LRRC7: variants seen among roughly 807,000 people sequenced by gnomAD.
The protein encoded by LRRC7 is leucine rich repeat containing 7, also known as leucine-rich repeat-containing protein 7.
LRRC7 carries 23 observed loss-of-function variants against 175.7 expected under a neutral mutation model. That is an observed-to-expected ratio of 0.13 (90% CI 0.09 to 0.19). The LOEUF is 0.19. LRRC7 is among the 10% of genes least tolerant of loss of function. The pLI is 1.00. For missense variants in LRRC7, 1,354 were observed against 1,904.7 expected, an observed-to-expected ratio of 0.71 and a Z score of 5.38; for synonymous variants, 685 against 680.9, an observed-to-expected ratio of 1.01 and a Z score of -0.09.
chr1:70,045,571 C>T (rs1202814196), intron 22 of LRRC7, among the ~76,000 whole-genome samples: 1 of 152,142 alleles, frequency 6.6e-6, no homozygotes, highest in African/African-American at 2.4e-5. Context: ...AACTTAACTG[C>T]ATTAAGGAAT....
intron 2 of LRRC7, among the ~76,000 whole-genome samples, chr1:69,687,539 G>GAAAAA (rs1390011818): frequency 1.1e-5 from 1 of 90,392 alleles, no homozygotes; most frequent in African/African-American, 4.1e-5. Context: ...AAAAAAAAAA[G>GAAAAA]AAAAAAGAAA....
At chr1:69,729,658 C>T (rs1435407476) in intron 2 of LRRC7, among the ~76,000 whole-genome samples, 1 of 152,180 alleles carries the variant, frequency 6.6e-6, no homozygotes, top group African/African-American at 2.4e-5. Context: ...AGCCCCCCTC[C>T]AGGCTGCTTT....
intron 1 of LRRC7, among the ~76,000 whole-genome samples, chr1:69,589,465 C>T (rs1646544295): frequency 6.6e-6 from 1 of 152,078 alleles, no homozygotes; most frequent in Non-Finnish European, 1.5e-5. Flanking sequence ...AGAATCCAAT[C>T]GGGAGTGAGT....
At chr1:70,109,803 C>T (rs905868761) in intron 26 of LRRC7, among the ~76,000 whole-genome samples, 15 of 152,176 alleles carry the variant, frequency 9.9e-5, no homozygotes, top group Non-Finnish European at 4.4e-5. Flanking sequence ...AAATGCTGCT[C>T]ATTAGCAAAG....
At chr1:70,017,586 C>G (rs1202181634) in intron 14 of LRRC7, among the ~76,000 whole-genome samples, 1 of 152,080 alleles carries the variant, frequency 6.6e-6, no homozygotes, top group African/African-American at 2.4e-5. Context: ...TTTAGCTCAT[C>G]ATTATTTTCT....
At chr1:69,672,257 A>T (rs562243584) in intron 1 of LRRC7, among the ~76,000 whole-genome samples, 13 of 117,000 alleles carry the variant, frequency 1.1e-4, no homozygotes, top group South Asian at 3.1e-4. Flanking sequence ...CATTTTTTTA[A>T]AAAAATTGTA....
At chr1:69,668,405 C>G (rs1658581233) in intron 1 of LRRC7, among the ~76,000 whole-genome samples, 1 of 152,078 alleles carries the variant, frequency 6.6e-6, no homozygotes, top group African/African-American at 2.4e-5. Flanking sequence ...GTTTGGTTTT[C>G]TGTTCCTGTG....
At chr1:70,090,954 G>A (rs561910609) in intron 25 of LRRC7, among the ~76,000 whole-genome samples, 1 of 152,140 alleles carries the variant, frequency 6.6e-6, no homozygotes, top group South Asian at 2.1e-4. Flanking sequence ...CCGTTTTGGG[G>A]AAGGTCAGGA....
intron 5 of LRRC7, among the ~76,000 whole-genome samples, chr1:69,831,375 C>A (rs2101296459): frequency 6.6e-6 from 1 of 152,068 alleles, no homozygotes; most frequent in African/African-American, 2.4e-5. Context: ...GACATGAGCT[C>A]TAATGCATTA....
At chr1:69,959,930 A>T (rs923394673) in intron 8 of LRRC7, among the ~76,000 whole-genome samples, 26 of 152,152 alleles carry the variant, frequency 1.7e-4, no homozygotes, top group African/African-American at 5.1e-4. Flanking sequence ...TTCGTCAAGG[A>T]TATTGGCCTG....
At chr1:69,598,265 G>A (rs1773312) in intron 1 of LRRC7, among the ~76,000 whole-genome samples, 57,037 of 151,800 alleles carry the variant, frequency 0.38, 12,222 homozygotes, top group African/African-American at 0.57. Flanking sequence ...CTATGGTAAA[G>A]TACCAGAAAG....
At chr1:69,997,034 T>C (rs1207918924) in intron 11 of LRRC7, among the ~76,000 whole-genome samples, 3 of 152,242 alleles carry the variant, frequency 2.0e-5, no homozygotes, top group Admixed American at 1.3e-4. Flanking sequence ...CCCATGAGCA[T>C]AGAATGTTCT....
At chr1:69,852,746 T>C (rs1344933428) in intron 7 of LRRC7, among the ~76,000 whole-genome samples, 1 of 152,194 alleles carries the variant, frequency 6.6e-6, no homozygotes, top group Admixed American at 6.6e-5. Flanking sequence ...CAACTTTGGG[T>C]ATATTCTTAG....
At chr1:70,086,932 G>A (rs925258337) in intron 24 of LRRC7, among the ~76,000 whole-genome samples, 1 of 152,044 alleles carries the variant, frequency 6.6e-6, no homozygotes, top group Non-Finnish European at 1.5e-5. Flanking sequence ...GGCCTTAGCA[G>A]GCAGGTGGAA....
intron 8 of LRRC7, among the ~76,000 whole-genome samples, chr1:69,941,042 G>A (rs1200681724): frequency 6.6e-6 from 1 of 152,050 alleles, no homozygotes; most frequent in Admixed American, 6.6e-5. Context: ...AAGGAGGTCA[G>A]GGAGTGAGCC....
intron 1 of LRRC7, among the ~76,000 whole-genome samples, chr1:69,635,796 T>C (rs1255880343): frequency 6.6e-6 from 1 of 151,918 alleles, no homozygotes; most frequent in African/African-American, 2.4e-5. Flanking sequence ...ATTAAAGATA[T>C]ATCAAAATAA....
intron 1 of LRRC7, among the ~76,000 whole-genome samples, chr1:69,577,855 C>T (rs1452887373): frequency 2.0e-5 from 3 of 152,044 alleles, no homozygotes; most frequent in Non-Finnish European, 4.4e-5. Flanking sequence ...ATTGCCTTGG[C>T]GATGCGGGCT....
intron 1 of LRRC7, among the ~76,000 whole-genome samples, chr1:69,643,206 T>C (rs536593110): frequency 1.1e-4 from 16 of 152,260 alleles, no homozygotes; most frequent in African/African-American, 3.6e-4. Context: ...AGATGATACC[T>C]GCTCACATTG....
chr1:70,107,023 A>G (rs1665194091), intron 25 of LRRC7, among the ~76,000 whole-genome samples: 1 of 152,234 alleles, frequency 6.6e-6, no homozygotes, highest in Non-Finnish European at 1.5e-5. Context: ...TTAAAGTCAG[A>G]AACTATATTC....
Sources: allele counts gnomAD v4.1 joint callset (sites outside exome capture counted in the v4.1 genomes callset), GRCh38; gene constraint gnomAD v4.1.1; transcripts MANE v1.5; gene names NCBI Gene and HGNC (gene_info 2026-07-23, HGNC 2026-07-21).